The following SHOC2 variants were observed in gnomAD, a reference collection of about 807,000 sequenced individuals.
SHOC2 encodes the protein SHOC2 leucine rich repeat scaffold protein.
Under a neutral mutation model 50.2 loss-of-function variants are expected in SHOC2, and 4 were observed. The observed-to-expected ratio is 0.08, with a 90% confidence interval of 0.04 to 0.18. The LOEUF (loss-of-function observed/expected upper bound fraction) is 0.18. SHOC2 is among the 10% of genes least tolerant of loss of function. The pLI is 1.00. For missense variants in SHOC2, 388 were observed against 669.6 expected (o/e 0.58, Z 4.64); for synonymous variants, 218 against 244.5 (o/e 0.89, Z 1.01).
intron 1 of SHOC2, among the ~76,000 whole-genome samples, chr10:110,956,442 C>T (rs1847465174): frequency 6.6e-6 from 1 of 152,276 alleles, no homozygotes; most frequent in African/African-American, 2.4e-5. Flanking sequence ...GTCTCAAACT[C>T]CTGACTACAT....
At chr10:110,954,565 C>T (rs940900926) in intron 1 of SHOC2, among the ~76,000 whole-genome samples, 4 of 152,122 alleles carry the variant, frequency 2.6e-5, no homozygotes, top group Non-Finnish European at 5.9e-5. Flanking sequence ...AAGATGCTAA[C>T]AGTATATTTG....
chr10:110,938,239 G>GT (rs1329027518), intron 1 of SHOC2, among the ~76,000 whole-genome samples: 4 of 152,194 alleles, frequency 2.6e-5, no homozygotes, highest in South Asian at 2.1e-4. Context: ...ATTTGCCTGA[G>GT]TTTCATTTTA....
At chr10:110,942,890 T>G (rs1287104853) in intron 1 of SHOC2, among the ~76,000 whole-genome samples, 2 of 152,244 alleles carry the variant, frequency 1.3e-5, no homozygotes, top group Non-Finnish European at 2.9e-5. Context: ...TCCCACTGCC[T>G]TCTGGCCTCT....
chr10:110,999,125 T>C (rs921376883), intron 3 of SHOC2, among the ~76,000 whole-genome samples: 1 of 152,226 alleles, frequency 6.6e-6, no homozygotes, highest in Non-Finnish European at 1.5e-5. Context: ...GGCTTCCACT[T>C]CTGTAATTTC....
chr10:110,977,642 T>C (rs78360252), intron 2 of SHOC2, among the ~76,000 whole-genome samples: 2,578 of 152,336 alleles, frequency 0.017, 74 homozygotes, highest in African/African-American at 0.058. Flanking sequence ...TGCTGGACTT[T>C]GTTCTGGCAT....
At chr10:110,987,511 A>G (rs1848101958) in intron 3 of SHOC2, among the ~76,000 whole-genome samples, 1 of 152,214 alleles carries the variant, frequency 6.6e-6, no homozygotes, top group Non-Finnish European at 1.5e-5. Flanking sequence ...TAACTGGTTT[A>G]TGGTTTAGAT....
rs536012063 is a variant in SHOC2 at position 111,012,858 on chromosome 10, C to T, written c.*1040C>T. 6.5e-6 allele frequency: 1 copy of T among 152,684 alleles called. No homozygotes were observed. The highest frequency in any genetic ancestry group is 2.4e-5 in the African/African-American group (1 of 41,552). The allele number at this position is 152,684 out of a possible 1,614,324, so 9.5% of individuals were successfully genotyped here. On this transcript the variant is annotated 3_prime_UTR_variant, in exon 9 of 9. Transcript: ENST00000369452. ...TGTTTCAAGGTTATTTAACAGTGTA[C>T]TATGGTTTTATATCTTGACTTGCCT...
chr10:110,920,518 ATTTCTTTTCTTTCTT>A (rs1469810832), intron 1 of SHOC2, among the ~76,000 whole-genome samples: 1 of 151,866 alleles, frequency 6.6e-6, no homozygotes, highest in Non-Finnish European at 1.5e-5. Flanking sequence ...CTTTCTCTTT[ATTTCTTTTCTTTCTT>A]TTTCTTTTCT....
intron 2 of SHOC2, among the ~76,000 whole-genome samples, chr10:110,977,823 T>TAGGA (rs1231304039): frequency 9.2e-5 from 14 of 152,168 alleles, no homozygotes; most frequent in Non-Finnish European, 1.9e-4. Context: ...TTGTGGCTGG[T>TAGGA]AGGAATTCAC....
intron 1 of SHOC2, among the ~76,000 whole-genome samples, chr10:110,952,112 A>T (rs1847365218): frequency 6.6e-6 from 1 of 150,938 alleles, no homozygotes. Context: ...AGTTAACCTT[A>T]ATTTTTTGCC....
intron 4 of SHOC2, among the ~76,000 whole-genome samples, chr10:111,001,073 T>A (rs1848362898): frequency 1.3e-5 from 2 of 151,326 alleles, no homozygotes; most frequent in African/African-American, 2.4e-5. Flanking sequence ...TTTTTTTTTT[T>A]AACACATTTT....
In SHOC2 at chr10:111,000,403, G is replaced by A; in HGVS notation, c.842-12G>A. 1 of 1,613,342 alleles carries A rather than the reference G, an allele frequency of 6.2e-7. No homozygotes were observed. The highest frequency in any genetic ancestry group is 8.5e-7 in the Non-Finnish European group (1 of 1,179,556). Reference sequence around the variant, plus strand: ...GTAAAAAATAAATTTCTTTTTTTGTGTGTGTTTACAGGAAACCTGTCCAGT... The same window carrying A: ...GTAAAAAATAAATTTCTTTTTTTGTATGTGTTTACAGGAAACCTGTCCAGT... On this transcript the variant is annotated splice_polypyrimidine_tract_variant and intron_variant, in intron 3 of 8. Transcript: ENST00000369452.
intron 3 of SHOC2, 87 bp downstream of exon 3, chr10:110,985,852 A>G: frequency 8.7e-7 from 1 of 1,153,412 alleles, no homozygotes; most frequent in Non-Finnish European, 1.3e-6. Flanking sequence ...GGTAATGAAA[A>G]TTCAGGAGTA....
intron 3 of SHOC2, chr10:110,988,877 T>G (rs1217019052): frequency 2.2e-6 from 1 of 461,648 alleles, no homozygotes; most frequent in Non-Finnish European, 4.4e-6. Flanking sequence ...ATTTTCCTTT[T>G]AAAAGTTTTT....
chr10:110,976,569 C>A (rs1408358685), intron 2 of SHOC2, among the ~76,000 whole-genome samples: 22 of 152,178 alleles, frequency 1.4e-4, no homozygotes, highest in Non-Finnish European at 1.5e-5. Flanking sequence ...ACCTCAGCCT[C>A]CCAGAATGTT....
At chr10:110,994,205 G>C (rs961225947) in intron 3 of SHOC2, among the ~76,000 whole-genome samples, 1 of 152,112 alleles carries the variant, frequency 6.6e-6, no homozygotes, top group African/African-American at 2.4e-5. Context: ...TTTGTAATCA[G>C]ACATGATCAC....
chr10:111,007,967 A>G (rs1305051620), intron 6 of SHOC2, among the ~76,000 whole-genome samples: 1 of 151,542 alleles, frequency 6.6e-6, no homozygotes, highest in East Asian at 1.9e-4. Context: ...TAAAAACTAC[A>G]CCATTGTCTA....
intron 1 of SHOC2, among the ~76,000 whole-genome samples, chr10:110,930,142 T>A (rs1846862224): frequency 6.6e-6 from 1 of 152,222 alleles, no homozygotes; most frequent in Admixed American, 6.5e-5. Context: ...TTATAAAAGT[T>A]CTATTTAATA....
In SHOC2 at chr10:110,994,634, G is replaced by A. The variant is rs373566894; in HGVS notation, c.842-5781G>A. ...TCTATCATCTGTTATATGGGGGAGG[G>A]GAGAAGCATATAGAATGATCTCATT... On this transcript the variant is annotated intron_variant, in intron 3 of 8. Transcript: ENST00000369452. 9.9e-5 allele frequency among the ~76,000 whole-genome samples: 15 copies of A among 151,912 alleles called. No homozygotes were observed. In the East Asian group the frequency reaches 2.3e-3, roughly 23 times the overall value.
Sources: gnomAD v4.1 joint callset for allele counts (sites outside exome capture counted in the v4.1 genomes callset) on GRCh38, gnomAD v4.1.1 for gene constraint, MANE v1.5 for transcripts, NCBI Gene and HGNC (gene_info 2026-07-23, HGNC 2026-07-21) for gene names.